The following SAMD8 variants were observed in gnomAD, a reference collection of about 807,000 sequenced individuals.
The protein encoded by SAMD8 is sphingomyelin synthase-related protein 1.
A neutral mutation model predicts 42.0 loss-of-function variants in SAMD8; 20 were observed. The ratio of observed to expected loss-of-function variants is 0.48; its 90% CI spans 0.34 to 0.69. The LOEUF is 0.69. Ranked by LOEUF, SAMD8 falls within the 30% of genes least tolerant of loss-of-function variation. SAMD8 has a pLI of 0.01. For missense variants in SAMD8, 328 were observed against 511.6 expected (o/e 0.64, Z 3.46); for synonymous variants, 162 against 173.0 (o/e 0.94, Z 0.50).
chr10:75,127,332 T>A (rs1156805434), intron 1 of SAMD8, among the ~76,000 whole-genome samples: 1 of 152,180 alleles, frequency 6.6e-6, no homozygotes, highest in Non-Finnish European at 1.5e-5. Flanking sequence ...GGCAGTATAT[T>A]GTCATGGGTA....
At chr10:75,109,813 G>GT (rs1184352339), upstream of SAMD8, among the ~76,000 whole-genome samples, 43 of 140,626 alleles carry the variant, frequency 3.1e-4, no homozygotes, top group African/African-American at 1.0e-3. Flanking sequence ...GGGGGAAGGT[G>GT]TTTTTTTTTG....
chr10:75,108,022 A>T (rs1232307955), upstream of SAMD8: 2 of 1,613,486 alleles, frequency 1.2e-6, no homozygotes, highest in Admixed American at 3.3e-5. Flanking sequence ...CGGTGGATGA[A>T]GTCAGCCGCA....
At chr10:75,143,446 A>C (rs1159149150) in intron 1 of SAMD8, among the ~76,000 whole-genome samples, 1 of 152,022 alleles carries the variant, frequency 6.6e-6, no homozygotes, top group Non-Finnish European at 1.5e-5. Flanking sequence ...AAGGACCTTA[A>C]ATTTTTGTAG....
intron 3 of SAMD8, among the ~76,000 whole-genome samples, chr10:75,166,460 A>C (rs1840682993): frequency 6.6e-6 from 1 of 152,060 alleles, no homozygotes; most frequent in Admixed American, 6.6e-5. Flanking sequence ...GAGAGGAACA[A>C]GGGTAGTTGC....
intron 2 of SAMD8, among the ~76,000 whole-genome samples, chr10:75,151,802 T>G (rs1840294371): frequency 9.9e-5 from 15 of 152,182 alleles, no homozygotes; most frequent in Admixed American, 9.8e-4. Flanking sequence ...TTCCCCTGCC[T>G]CAGCCTCCTG....
chr10:75,108,305 A>G, upstream of SAMD8: 1 of 1,493,972 alleles, frequency 6.7e-7, no homozygotes, highest in Non-Finnish European at 8.8e-7. Flanking sequence ...CCGAGCCATT[A>G]GGGTCCAAAG....
intron 4 of SAMD8, among the ~76,000 whole-genome samples, chr10:75,171,198 G>A (rs1224009054): frequency 2.0e-5 from 2 of 102,550 alleles, no homozygotes; most frequent in African/African-American, 4.0e-5. Flanking sequence ...ATGGAGTCTC[G>A]CTGTGTCACT....
intron 2 of SAMD8, among the ~76,000 whole-genome samples, chr10:75,153,092 C>G (rs1035576013): frequency 1.3e-5 from 2 of 151,976 alleles, no homozygotes; most frequent in Non-Finnish European, 2.9e-5. Context: ...AGTGATTCTC[C>G]TGCCTCAGCC....
chr10:75,173,470 A>G (rs1840916045), intron 4 of SAMD8, among the ~76,000 whole-genome samples: 1 of 152,180 alleles, frequency 6.6e-6, no homozygotes, highest in Non-Finnish European at 1.5e-5. Flanking sequence ...ATTTTTTGGA[A>G]GGATATATGA....
At chr10:75,149,953 A>C (rs555324971) in intron 1 of SAMD8, among the ~76,000 whole-genome samples, 4 of 152,018 alleles carry the variant, frequency 2.6e-5, no homozygotes, top group African/African-American at 4.8e-5. Flanking sequence ...TCTATTGAAA[A>C]CCATTCATTA....
intron 1 of SAMD8, chr10:75,105,537 C>T (rs897245487): frequency 1.5e-5 from 15 of 979,776 alleles, no homozygotes; most frequent in Non-Finnish European, 2.3e-5. Flanking sequence ...CTTTAATCCT[C>T]ACTTCCAGCC....
chr10:75,172,025 CAAAA>C (rs750376012), intron 4 of SAMD8, among the ~76,000 whole-genome samples: 3 of 103,568 alleles, frequency 2.9e-5, no homozygotes. Context: ...GACTCCATCT[CAAAA>C]AAAAAAAAAA....
At chr10:75,166,945 T>C (rs2657291) in intron 3 of SAMD8, among the ~76,000 whole-genome samples, 84,392 of 152,020 alleles carry the variant, frequency 0.56, 25,302 homozygotes, top group East Asian at 0.9. Flanking sequence ...GATTCCTAGG[T>C]TCCATCTCAG....
intron 4 of SAMD8, among the ~76,000 whole-genome samples, chr10:75,171,518 A>G (rs1048930778): frequency 6.6e-6 from 1 of 152,116 alleles, no homozygotes; most frequent in African/African-American, 2.4e-5. Flanking sequence ...TTTCTGAAGA[A>G]GTACATGTGG....
chr10:75,128,325 G>A (rs1348601347), intron 1 of SAMD8, among the ~76,000 whole-genome samples: 1 of 151,874 alleles, frequency 6.6e-6, no homozygotes, highest in Admixed American at 6.6e-5. Flanking sequence ...CACCTGCCTC[G>A]ACCTCCAACA....
At chr10:75,161,054 T>G (rs1311532461) in intron 2 of SAMD8, among the ~76,000 whole-genome samples, 1 of 151,788 alleles carries the variant, frequency 6.6e-6, no homozygotes, top group Non-Finnish European at 1.5e-5. Context: ...GGCCGCAGAG[T>G]GAGACCCTGT....
chr10:75,152,690 A>AC (rs1840320923), intron 2 of SAMD8, among the ~76,000 whole-genome samples: 2 of 151,852 alleles, frequency 1.3e-5, no homozygotes, highest in Admixed American at 1.3e-4. Context: ...ACATAGCAAG[A>AC]CCCCCATCTC....
At chr10:75,133,957 A>T (rs775111293) in intron 1 of SAMD8, among the ~76,000 whole-genome samples, 11 of 152,162 alleles carry the variant, frequency 7.2e-5, no homozygotes, top group Non-Finnish European at 1.5e-4. Context: ...CATTTTCTTT[A>T]TCCAGTCTAT....
At chr10:75,118,685 A>G (rs1384614485) in intron 1 of SAMD8, among the ~76,000 whole-genome samples, 3 of 152,218 alleles carry the variant, frequency 2.0e-5, no homozygotes, top group Non-Finnish European at 4.4e-5. Flanking sequence ...GTATAAAGAG[A>G]AAAGAGTAGT....
Sources: allele counts gnomAD v4.1 joint callset (sites outside exome capture counted in the v4.1 genomes callset), GRCh38; gene constraint gnomAD v4.1.1; transcripts MANE v1.5; gene names NCBI Gene and HGNC (gene_info 2026-07-23, HGNC 2026-07-21).